CNTN6: variants seen among roughly 807,000 people sequenced by gnomAD.
The protein encoded by CNTN6 is contactin-6.
CNTN6 carries 137 observed loss-of-function variants against 122.8 expected under a neutral mutation model. The observed-to-expected ratio is 1.12, with a 90% CI of 0.97 to 1.29. CNTN6 has a LOEUF of 1.29. Ranked by LOEUF, CNTN6 falls within the 50% of genes most tolerant of loss-of-function variation. The probability of loss-of-function intolerance (pLI) is 0.00; values close to 1 mark genes in which losing one functional copy is unlikely to be tolerated. For synonymous variants in CNTN6, 570 were observed against 426.0 expected, an observed-to-expected ratio of 1.34 and a Z score of -4.16; for missense variants, 1,634 against 1,223.4, an observed-to-expected ratio of 1.34 and a Z score of -5.01.
At chr3:1,300,533 AAG>A (rs200112679) in intron 7 of CNTN6, among the ~76,000 whole-genome samples, 14 of 139,370 alleles carry the variant, frequency 1.0e-4, no homozygotes, top group South Asian at 2.3e-4. Context: ...AAGATAAAGA[AAG>A]AGAGAGAAAG....
intron 5 of CNTN6, among the ~76,000 whole-genome samples, chr3:1,290,814 T>C (rs531126859): frequency 6.6e-5 from 10 of 152,252 alleles, no homozygotes; most frequent in Non-Finnish European, 1.5e-4. Context: ...CTAATGGGAG[T>C]GTAGCAGTGA....
At chr3:1,254,599 C>G (rs892435249) in intron 4 of CNTN6, among the ~76,000 whole-genome samples, 3 of 152,082 alleles carry the variant, frequency 2.0e-5, no homozygotes, top group Non-Finnish European at 4.4e-5. Context: ...CAAACACATC[C>G]TTGCCTGCCA....
chr3:1,305,628 C>G (rs427641), intron 7 of CNTN6, among the ~76,000 whole-genome samples: 41,840 of 151,970 alleles, frequency 0.28, 8,857 homozygotes, highest in African/African-American at 0.6. Context: ...CCCCATAACT[C>G]TATTCTACTG....
chr3:1,157,494 G>A (rs1193874527), intron 2 of CNTN6, among the ~76,000 whole-genome samples: 1 of 152,162 alleles, frequency 6.6e-6, no homozygotes, highest in East Asian at 1.9e-4. Context: ...TGGGATTACA[G>A]ATATAAGCCA....
At chr3:1,326,541 G>A (rs1701567066) in intron 9 of CNTN6, among the ~76,000 whole-genome samples, 1 of 151,620 alleles carries the variant, frequency 6.6e-6, no homozygotes, top group African/African-American at 2.4e-5. Context: ...TAAACCCCTA[G>A]GAAAGTAAAT....
At chr3:1,310,170 T>A (rs906750649) in intron 7 of CNTN6, among the ~76,000 whole-genome samples, 1 of 152,176 alleles carries the variant, frequency 6.6e-6, no homozygotes, top group African/African-American at 2.4e-5. Flanking sequence ...CAGTGAGTGA[T>A]AAGAGTAAAC....
At chr3:1,093,863 G>C (rs1301533199) in intron 1 of CNTN6, among the ~76,000 whole-genome samples, 1 of 152,140 alleles carries the variant, frequency 6.6e-6, no homozygotes, top group Non-Finnish European at 1.5e-5. Context: ...TTATGTTAAT[G>C]GGATACTGTA....
intron 4 of CNTN6, among the ~76,000 whole-genome samples, chr3:1,272,197 T>G (rs1016790960): frequency 1.3e-5 from 2 of 152,242 alleles, no homozygotes; most frequent in African/African-American, 4.8e-5. Flanking sequence ...AAAACTCTTT[T>G]TCTTTATGAA....
At position 1,203,398 on chromosome 3, in the gene CNTN6, G is replaced by A. The variant is rs1051518458; in HGVS notation, c.56-17289G>A. 2.0e-4 allele frequency among the ~76,000 whole-genome samples: 31 copies of A among 152,278 alleles called. 1 individual carries two copies. Among genetic ancestry groups the A allele is most frequent in the Admixed American group, 2.0e-3 (30 of 15,290 alleles). Reference sequence around the variant, plus strand: ...GATATGAGCTGATAAAACTTAATCAGGCTAGTTTCACAAAGGGCAAATCTT... The same window carrying A: ...GATATGAGCTGATAAAACTTAATCAAGCTAGTTTCACAAAGGGCAAATCTT... On this transcript the variant is annotated intron_variant, in intron 2 of 22. Transcript: ENST00000446702.
At chr3:1,381,328 G>A (rs1575971146) in intron 17 of CNTN6, among the ~76,000 whole-genome samples, 1 of 121,094 alleles carries the variant, frequency 8.3e-6, no homozygotes, top group South Asian at 2.6e-4. Flanking sequence ...GAAATACTTT[G>A]TTGTTTCCCC....
At chr3:1,338,250 T>C (rs974187334) in intron 11 of CNTN6, among the ~76,000 whole-genome samples, 1 of 152,156 alleles carries the variant, frequency 6.6e-6, no homozygotes, top group Non-Finnish European at 1.5e-5. Context: ...TAGGCTTCCT[T>C]GTAGAGTGGC....
intron 2 of CNTN6, among the ~76,000 whole-genome samples, chr3:1,181,979 C>T (rs773761533): frequency 6.6e-6 from 1 of 152,114 alleles, no homozygotes; most frequent in Non-Finnish European, 1.5e-5. Flanking sequence ...TCCTCATACA[C>T]TCATCACAGA....
At chr3:1,142,872 G>A (rs1006261518) in intron 1 of CNTN6, among the ~76,000 whole-genome samples, 2 of 151,344 alleles carry the variant, frequency 1.3e-5, no homozygotes, top group African/African-American at 2.4e-5. Context: ...TTATAAATTT[G>A]TGTGTACAAA....
rs569763796 is a variant in CNTN6 at position 1,204,894 on chromosome 3, A to C, written c.56-15793A>C. ...GGGGTAGGCAGAATAATGGCCCCCA[A>C]GATGTCAATATTCTAATCCCTGGAA... On this transcript the variant is annotated intron_variant, in intron 2 of 22. Coordinates refer to ENST00000446702, the MANE Select transcript of CNTN6 (RefSeq NM_001289080.2). Among the ~76,000 whole-genome samples, 35 of 152,314 alleles carry C rather than the reference A, an allele frequency of 2.3e-4. No homozygotes were observed. In the South Asian group the frequency reaches 7.2e-3, roughly 32 times the overall value.
chr3:1,395,114 C>G lies in CNTN6; in HGVS notation c.2705-6319C>G, dbSNP rs141143111. 2.6e-3 allele frequency among the ~76,000 whole-genome samples: 398 copies of G among 152,154 alleles called. 2 individuals are homozygous for G. The highest frequency in any genetic ancestry group is 8.7e-3 in the African/African-American group (359 of 41,456). On this transcript the variant is annotated intron_variant, in intron 20 of 22. Transcript: ENST00000446702. ...TCAGTGACCCTATAAAAATAGCCAA[C>G]AAGCACCTGAGAATAAGAAGAATAT...
At chr3:1,359,798 C>A (rs1384455898) in intron 12 of CNTN6, among the ~76,000 whole-genome samples, 1 of 152,082 alleles carries the variant, frequency 6.6e-6, no homozygotes, top group African/African-American at 2.4e-5. Flanking sequence ...GACCCCATCA[C>A]ACCGATTTCC....
chr3:1,316,143 C>G (rs1348526197), intron 7 of CNTN6, among the ~76,000 whole-genome samples: 1 of 151,856 alleles, frequency 6.6e-6, no homozygotes, highest in Non-Finnish European at 1.5e-5. Context: ...TCTTAATCCT[C>G]AAAATAAGCC....
intron 1 of CNTN6, among the ~76,000 whole-genome samples, chr3:1,134,835 T>G (rs1468909659): frequency 1.3e-5 from 2 of 152,150 alleles, no homozygotes. Flanking sequence ...TATTGGAAGG[T>G]GGCAATGTCT....
At chr3:1,278,299 A>C in intron 4 of CNTN6, 114 bp from the exon 5 acceptor site, 1 of 674,622 alleles carries the variant, frequency 1.5e-6, no homozygotes, top group Non-Finnish European at 2.4e-6. Context: ...TCTTCTGGTC[A>C]GCAAAGTATG....
Sources: allele counts gnomAD v4.1 joint callset (sites outside exome capture counted in the v4.1 genomes callset), GRCh38; gene constraint gnomAD v4.1.1; transcripts MANE v1.5; gene names NCBI Gene and HGNC (gene_info 2026-07-23, HGNC 2026-07-21).